Variants in NSUN6 observed in about 807,000 individuals in gnomAD.
NSUN6 encodes the protein tRNA (cytosine(72)-C(5))-methyltransferase NSUN6.
Under a neutral mutation model 58.0 loss-of-function variants are expected in NSUN6, and 64 were observed. That is an observed-to-expected ratio of 1.10 (90% CI 0.90 to 1.36). The LOEUF (loss-of-function observed/expected upper bound fraction) is 1.36, where lower values mean the gene tolerates loss of function less well. Ranked by LOEUF, NSUN6 falls within the 40% of genes most tolerant of loss-of-function variation. The pLI is 0.00. For synonymous variants in NSUN6, 231 were observed against 193.9 expected (o/e 1.19, Z -1.59); for missense variants, 701 against 550.1 (o/e 1.27, Z -2.74).
intron 7 of NSUN6, among the ~76,000 whole-genome samples, chr10:18,588,377 G>T (rs187796416): frequency 4.7e-4 from 71 of 152,364 alleles, no homozygotes; most frequent in Admixed American, 4.5e-3. Flanking sequence ...GGGCTCTGAA[G>T]AGAGAAGCTG....
At chr10:18,581,774 C>A (rs1227977254) in intron 8 of NSUN6, among the ~76,000 whole-genome samples, 1 of 150,696 alleles carries the variant, frequency 6.6e-6, no homozygotes. Flanking sequence ...TGAAGTGAGC[C>A]GAGATCGTGC....
chr10:18,574,716 C>G (rs1455859278), intron 8 of NSUN6, among the ~76,000 whole-genome samples: 1 of 152,126 alleles, frequency 6.6e-6, no homozygotes, highest in Non-Finnish European at 1.5e-5. Context: ...TATACCAATT[C>G]CAGGTATGCC....
At chr10:18,566,135 A>ATTCTC (rs2055915638) in intron 8 of NSUN6, among the ~76,000 whole-genome samples, 1 of 131,814 alleles carries the variant, frequency 7.6e-6, no homozygotes, top group Non-Finnish European at 1.7e-5. Context: ...ATTCCATTCC[A>ATTCTC]CATTCCATTC....
intron 7 of NSUN6, among the ~76,000 whole-genome samples, chr10:18,591,621 CAT>C (rs1301921257): frequency 6.6e-6 from 1 of 152,188 alleles, no homozygotes; most frequent in Non-Finnish European, 1.5e-5. Context: ...ACAAAAACCA[CAT>C]GATTATCTCA....
chr10:18,624,097 A>T (rs1238928737), intron 3 of NSUN6, among the ~76,000 whole-genome samples: 5 of 152,152 alleles, frequency 3.3e-5, no homozygotes, highest in African/African-American at 7.2e-5. Context: ...AGGAAAAATA[A>T]TTCAAGTACC....
chr10:18,645,888 A>G (rs562883014), intron 2 of NSUN6, among the ~76,000 whole-genome samples: 15 of 152,258 alleles, frequency 9.9e-5, no homozygotes, highest in Non-Finnish European at 4.4e-5. Context: ...ATTAAATTTT[A>G]TATTATTAAA....
intron 6 of NSUN6, among the ~76,000 whole-genome samples, chr10:18,604,883 CTT>C (rs1189835432): frequency 3.6e-5 from 5 of 139,832 alleles, no homozygotes; most frequent in Admixed American, 7.2e-5. Flanking sequence ...AAGACTCTTT[CTT>C]TTTTTTTTTT....
At chr10:18,568,192 C>A (rs1180916071) in intron 8 of NSUN6, among the ~76,000 whole-genome samples, 1 of 151,106 alleles carries the variant, frequency 6.6e-6, no homozygotes, top group Non-Finnish European at 1.5e-5. Context: ...ATTCTCCATT[C>A]CACAAAATTC....
chr10:18,554,535 G>A (rs1184955052), intron 8 of NSUN6, among the ~76,000 whole-genome samples: 2 of 151,072 alleles, frequency 1.3e-5, no homozygotes, highest in African/African-American at 4.9e-5. Context: ...TGCAGAATGG[G>A]TATGAATGGA....
chr10:18,614,678 T>C, intron 4 of NSUN6, 65 bp from the exon 5 acceptor site: 4 of 786,966 alleles, frequency 5.1e-6, no homozygotes, highest in Non-Finnish European at 7.4e-6. Flanking sequence ...TGAAAATTAT[T>C]TGAGCTAGAT....
At chr10:18,612,016 C>G (rs948135189) in intron 5 of NSUN6, among the ~76,000 whole-genome samples, 2 of 152,150 alleles carry the variant, frequency 1.3e-5, no homozygotes, top group African/African-American at 4.8e-5. Flanking sequence ...AGTTGCTGCT[C>G]CAGTCAGGAC....
intron 3 of NSUN6, among the ~76,000 whole-genome samples, chr10:18,641,795 A>C (rs1015102126): frequency 1.2e-4 from 19 of 152,242 alleles, no homozygotes; most frequent in Admixed American, 6.5e-4. Flanking sequence ...CAGGCTGGGC[A>C]ACGTGGCTCA....
At chr10:18,616,097 T>A in intron 4 of NSUN6, 87 bp downstream of exon 4, 1 of 807,504 alleles carries the variant, frequency 1.2e-6, no homozygotes. Context: ...TTGGAATATA[T>A]CTTAGTGACA....
chr10:18,619,153 C>T (rs185237645), intron 3 of NSUN6, among the ~76,000 whole-genome samples: 13 of 152,240 alleles, frequency 8.5e-5, no homozygotes, highest in Admixed American at 6.5e-4. Context: ...TTTAACAATG[C>T]CAAGTGTTTG....
At chr10:18,625,383 T>A (rs1482633761) in intron 3 of NSUN6, among the ~76,000 whole-genome samples, 1 of 152,048 alleles carries the variant, frequency 6.6e-6, no homozygotes, top group Non-Finnish European at 1.5e-5. Flanking sequence ...GGAAGACCTA[T>A]ATAACTGAAA....
intron 6 of NSUN6, among the ~76,000 whole-genome samples, chr10:18,606,760 A>G (rs1203698256): frequency 1.3e-5 from 2 of 152,206 alleles, no homozygotes; most frequent in Admixed American, 6.5e-5. Flanking sequence ...TAGAAAAAAA[A>G]TCTTTATTAA....
intron 7 of NSUN6, among the ~76,000 whole-genome samples, chr10:18,595,749 A>T (rs2057559238): frequency 6.6e-6 from 1 of 152,166 alleles, no homozygotes; most frequent in South Asian, 2.1e-4. Flanking sequence ...GATCTTTCTT[A>T]GACCAAAATG....
chr10:18,558,339 G>A (rs1589844858), intron 8 of NSUN6, among the ~76,000 whole-genome samples: 2 of 134,956 alleles, frequency 1.5e-5, no homozygotes, highest in African/African-American at 5.1e-5. Flanking sequence ...AATGGAATGA[G>A]GAATGGGATG....
chr10:18,656,337 G>T (rs1368350639), upstream of NSUN6, among the ~76,000 whole-genome samples: 3 of 152,206 alleles, frequency 2.0e-5, no homozygotes, highest in East Asian at 5.8e-4. Flanking sequence ...AGGAGTTCAA[G>T]ACCAGCCTGA....
Sources: allele counts gnomAD v4.1 joint callset (sites outside exome capture counted in the v4.1 genomes callset), GRCh38; gene constraint gnomAD v4.1.1; transcripts MANE v1.5; gene names NCBI Gene and HGNC (gene_info 2026-07-23, HGNC 2026-07-21).